ZNF341: variants seen among roughly 807,000 people sequenced by gnomAD.
The protein encoded by ZNF341 is zinc finger protein 341.
ZNF341 carries 52 observed loss-of-function variants against 87.7 expected under a neutral mutation model. The ratio of observed to expected loss-of-function variants is 0.59; its 90% CI spans 0.47 to 0.75. The LOEUF (loss-of-function observed/expected upper bound fraction) is 0.75, where lower values mean the gene tolerates loss of function less well. ZNF341 is among the 30% of genes least tolerant of loss of function. ZNF341 has a pLI of 0.00. For missense variants in ZNF341, 977 were observed against 1,145.9 expected (o/e 0.85, Z 2.13); for synonymous variants, 459 against 472.7 (o/e 0.97, Z 0.38).
intron 1 of ZNF341, among the ~76,000 whole-genome samples, chr20:33,736,598 T>C (rs2018690652): frequency 6.6e-6 from 1 of 152,086 alleles, no homozygotes; most frequent in Admixed American, 6.6e-5. Context: ...CAAGCGATTC[T>C]CCTGCCTCAG....
chr20:33,744,355 C>G (rs2018871801), intron 2 of ZNF341, among the ~76,000 whole-genome samples: 1 of 151,942 alleles, frequency 6.6e-6, no homozygotes, highest in African/African-American at 2.4e-5. Context: ...AGGTGACAGT[C>G]AAGCTGAGGC....
intron 1 of ZNF341, among the ~76,000 whole-genome samples, chr20:33,739,505 T>C (rs1340670209): frequency 2.0e-5 from 3 of 152,220 alleles, no homozygotes; most frequent in African/African-American, 7.2e-5. Flanking sequence ...TCAACTGTGA[T>C]AACTGATTAG....
intron 1 of ZNF341, among the ~76,000 whole-genome samples, 179 bp from the exon 2 acceptor site, chr20:33,740,723 G>A (rs1331065406): frequency 6.6e-6 from 1 of 152,096 alleles, no homozygotes; most frequent in Non-Finnish European, 1.5e-5. Flanking sequence ...TGCCTAGAAT[G>A]GTCTTAAACT....
At chr20:33,776,871 G>C (rs557140938) in intron 10 of ZNF341, among the ~76,000 whole-genome samples, 2 of 151,920 alleles carry the variant, frequency 1.3e-5, no homozygotes, top group Non-Finnish European at 2.9e-5. Flanking sequence ...TGTTGCCCAG[G>C]CTGGTCTTGA....
chr20:33,743,296 C>T (rs1286328450), intron 2 of ZNF341, among the ~76,000 whole-genome samples: 1 of 149,416 alleles, frequency 6.7e-6, no homozygotes, highest in Non-Finnish European at 1.5e-5. Flanking sequence ...GCCTCACAAA[C>T]TGCTGGGATT....
chr20:33,742,726 A>G (rs1349944045), intron 2 of ZNF341, among the ~76,000 whole-genome samples: 5 of 151,556 alleles, frequency 3.3e-5, no homozygotes, highest in African/African-American at 7.3e-5. Flanking sequence ...CAGCCTGCCA[A>G]TGTACTGGGA....
intron 10 of ZNF341, among the ~76,000 whole-genome samples, chr20:33,773,387 G>T (rs537397541): frequency 6.6e-6 from 1 of 152,264 alleles, no homozygotes; most frequent in Admixed American, 6.5e-5. Context: ...TGGAGCTGTT[G>T]TCCTGTCCCA....
At position 33,786,497 on chromosome 20, in the gene ZNF341, G is replaced by A. The variant is rs76169146; in HGVS notation, c.1853-2366G>A. 2.6e-4 allele frequency among the ~76,000 whole-genome samples: 40 copies of A among 152,216 alleles called. No homozygotes were observed. The East Asian group carries it at 5.4e-3, about 21-fold the overall frequency. Reference sequence around the variant, plus strand: ...AATTCTAGAGACAGATGATGGTGATGGTTGCATGATGGTGCAAATGTACTT... The same window carrying A: ...AATTCTAGAGACAGATGATGGTGATAGTTGCATGATGGTGCAAATGTACTT... On this transcript the variant is annotated intron_variant, in intron 12 of 14. Transcript: ENST00000375200.
chr20:33,742,596 G>A (rs993899880), intron 2 of ZNF341, among the ~76,000 whole-genome samples: 1 of 151,634 alleles, frequency 6.6e-6, no homozygotes, highest in Non-Finnish European at 1.5e-5. Context: ...GATTACAGGC[G>A]TGAACCACCA....
chr20:33,738,061 C>T (rs1047059879), intron 1 of ZNF341, among the ~76,000 whole-genome samples: 3 of 151,058 alleles, frequency 2.0e-5, no homozygotes, highest in Admixed American at 1.3e-4. Context: ...TGCTTGAACC[C>T]GGGAGACAGA....
intron 11 of ZNF341, among the ~76,000 whole-genome samples, chr20:33,781,924 T>C (rs978053662): frequency 6.6e-6 from 1 of 151,904 alleles, no homozygotes; most frequent in African/African-American, 2.4e-5. Context: ...AAGGGACCTG[T>C]CCACCTTGAC....
chr20:33,791,712 C>T lies in ZNF341; in HGVS notation c.*195C>T, dbSNP rs1229114787. ...CCTCTCCTGCCGGAAAGCCCTGCAACATTCTAGGGTTGGGGGCAGGGCCAT... is the reference window on the plus strand; with the variant it reads ...CCTCTCCTGCCGGAAAGCCCTGCAATATTCTAGGGTTGGGGGCAGGGCCAT... On this transcript the variant is annotated 3_prime_UTR_variant, in exon 15 of 15. Coordinates refer to ENST00000375200, the MANE Select transcript of ZNF341 (RefSeq NM_001282933.2). The T allele has an allele frequency of 4.9e-6, 3 of 617,804 alleles. No homozygotes were observed. In the African/African-American group the frequency reaches 5.5e-5, roughly 11 times the overall value. 38.3% of individuals were successfully genotyped at this position (617,804 alleles called of 1,614,324 possible).
At chr20:33,734,389 A>G (rs1387942317) in intron 1 of ZNF341, among the ~76,000 whole-genome samples, 1 of 151,854 alleles carries the variant, frequency 6.6e-6, no homozygotes, top group African/African-American at 2.4e-5. Context: ...TCTGGAACAG[A>G]CTGGAGGGGG....
At chr20:33,765,883 T>G (rs1377597399) in intron 8 of ZNF341, among the ~76,000 whole-genome samples, 3 of 152,034 alleles carry the variant, frequency 2.0e-5, no homozygotes, top group African/African-American at 7.2e-5. Flanking sequence ...ATTACAATTT[T>G]TTTTGTTTGT....
chr20:33,748,895 C>T (rs368388744), intron 3 of ZNF341, 28 bp from the exon 4 acceptor site: 118 of 1,594,482 alleles, frequency 7.4e-5, no homozygotes, highest in Middle Eastern at 3.4e-4. Context: ...CTCTCCGTCT[C>T]ACTCATTCTC....
intron 9 of ZNF341, among the ~76,000 whole-genome samples, chr20:33,768,662 A>C (rs1477229469): frequency 6.6e-6 from 1 of 152,020 alleles, no homozygotes; most frequent in African/African-American, 2.4e-5. Context: ...GGCTCAATTG[A>C]TCTGCCTGCC....
rs538853928 is a variant in ZNF341 at position 33,739,644 on chromosome 20, T to C, written c.32-1258T>C. ...GCAAGGACGCCCGCGTGCACACAGA[T>C]TTGTGGGGTTTGGGGAGTGTGCATG... On this transcript the variant is annotated intron_variant, in intron 1 of 14. Transcript: ENST00000375200. 6.6e-5 allele frequency among the ~76,000 whole-genome samples: 10 copies of C among 151,908 alleles called. No individual in the cohort carries two copies. In the East Asian group the frequency reaches 1.9e-3, roughly 29 times the overall value.
At chr20:33,748,268 C>G (rs1466114750) in intron 3 of ZNF341, among the ~76,000 whole-genome samples, 1 of 151,856 alleles carries the variant, frequency 6.6e-6, no homozygotes, top group African/African-American at 2.4e-5. Flanking sequence ...GATGGGGTTT[C>G]ACCACGTTGG....
intron 7 of ZNF341, 97 bp downstream of exon 7, chr20:33,758,903 GGTGACCCA>G: frequency 9.3e-7 from 1 of 1,072,116 alleles, no homozygotes; most frequent in Non-Finnish European, 1.4e-6. Flanking sequence ...TAGCCTGTGG[GGTGACCCA>G]GGCTGCACTT....
Sources: gnomAD v4.1 joint callset for allele counts (sites outside exome capture counted in the v4.1 genomes callset) on GRCh38, gnomAD v4.1.1 for gene constraint, MANE v1.5 for transcripts, NCBI Gene and HGNC (gene_info 2026-07-23, HGNC 2026-07-21) for gene names.